CAMTA1: variants seen among roughly 807,000 people sequenced by gnomAD.
CAMTA1 encodes calmodulin binding transcription activator 1, also known as calmodulin-binding transcription activator 1.
A neutral mutation model predicts 170.9 loss-of-function variants in CAMTA1; 27 were observed. That is an observed-to-expected ratio of 0.16 (90% CI 0.12 to 0.22). The LOEUF is 0.22. Ranked by LOEUF, CAMTA1 falls within the 10% of genes least tolerant of loss-of-function variation. The pLI is 1.00. For synonymous variants in CAMTA1, 833 were observed against 891.5 expected (o/e 0.93, Z 1.17); for missense variants, 1,619 against 2,217.2 (o/e 0.73, Z 5.42).
chr1:7,122,024 G>A (rs556540977), intron 4 of CAMTA1, among the ~76,000 whole-genome samples: 23 of 152,128 alleles, frequency 1.5e-4, no homozygotes, highest in Middle Eastern at 3.4e-3. Context: ...AAAGGCCCTT[G>A]GGAATGCCGG....
intron 5 of CAMTA1, among the ~76,000 whole-genome samples, chr1:7,432,302 C>T (rs2092197495): frequency 1.3e-5 from 2 of 152,216 alleles, no homozygotes; most frequent in Admixed American, 1.3e-4. Context: ...GTGACCTCCC[C>T]AAGGTCACAC....
intron 7 of CAMTA1, among the ~76,000 whole-genome samples, chr1:7,648,404 A>AT (rs1476506741): frequency 6.6e-6 from 1 of 151,748 alleles, no homozygotes; most frequent in South Asian, 2.1e-4. Context: ...AAAAAAAAAA[A>AT]AGAGAGAGAG....
intron 3 of CAMTA1, among the ~76,000 whole-genome samples, chr1:6,852,764 C>T (rs1044454987): frequency 3.9e-5 from 6 of 152,204 alleles, no homozygotes; most frequent in Admixed American, 6.5e-5. Context: ...GGCTCTATTA[C>T]GAAGGCATGA....
intron 1 of CAMTA1, among the ~76,000 whole-genome samples, chr1:6,809,307 G>A (rs1383212069): frequency 3.9e-5 from 6 of 152,222 alleles, no homozygotes; most frequent in East Asian, 1.9e-4. Context: ...GATTACAGAC[G>A]TGAGCCACCG....
intron 6 of CAMTA1, among the ~76,000 whole-genome samples, chr1:7,545,347 T>G (rs1250119147): frequency 1.3e-5 from 2 of 152,226 alleles, no homozygotes; most frequent in Admixed American, 6.5e-5. Context: ...ACATCAGAAC[T>G]CTCAAATCAG....
intron 12 of CAMTA1, among the ~76,000 whole-genome samples, chr1:7,733,869 A>G (rs1340092181): frequency 1.3e-5 from 2 of 152,182 alleles, no homozygotes; most frequent in Non-Finnish European, 2.9e-5. Context: ...CCGTGTTTTC[A>G]TATTGCTCCC....
intron 5 of CAMTA1, among the ~76,000 whole-genome samples, chr1:7,466,215 A>G (rs1454887466): frequency 6.6e-6 from 1 of 152,218 alleles, no homozygotes; most frequent in Non-Finnish European, 1.5e-5. Context: ...AAAACAACGA[A>G]AACAAAACAC....
At chr1:7,015,217 G>A (rs1298033073) in intron 3 of CAMTA1, among the ~76,000 whole-genome samples, 1 of 152,120 alleles carries the variant, frequency 6.6e-6, no homozygotes, top group African/African-American at 2.4e-5. Context: ...TGTGTTGTTG[G>A]ACCGAGTGGG....
chr1:7,220,131 T>G (rs1401270352), intron 4 of CAMTA1, among the ~76,000 whole-genome samples: 1 of 152,192 alleles, frequency 6.6e-6, no homozygotes, highest in East Asian at 1.9e-4. Flanking sequence ...TACAGCATTC[T>G]CATACAAAGC....
chr1:6,970,721 G>C lies in CAMTA1; in HGVS notation c.235-120583G>C, dbSNP rs963393498. On this transcript the variant is annotated intron_variant, in intron 3 of 22. Transcript: ENST00000303635. This position sits in a 1 kb window ranked among gnomAD's most constrained non-coding sequence, Gnocchi z 4.4. ...TGTTCAGGACGTATCATCCAGTCCTGGTGGGTCAGGACATTCTACTATAGC... is the reference window on the plus strand; with the variant it reads ...TGTTCAGGACGTATCATCCAGTCCTCGTGGGTCAGGACATTCTACTATAGC... 4.6e-5 allele frequency among the ~76,000 whole-genome samples: 7 copies of C among 152,210 alleles called. No individual in the cohort carries two copies. Among genetic ancestry groups the C allele is most frequent in the African/African-American group, 1.7e-4 (7 of 41,454 alleles).
intron 3 of CAMTA1, among the ~76,000 whole-genome samples, chr1:6,899,549 C>T (rs974171835): frequency 3.4e-4 from 33 of 96,520 alleles, no homozygotes; most frequent in Admixed American, 8.3e-4. Context: ...CGCGCACGCG[C>T]GCGCGCACAC....
chr1:7,721,700 A>G (rs1212439473), intron 11 of CAMTA1, among the ~76,000 whole-genome samples: 3 of 152,162 alleles, frequency 2.0e-5, no homozygotes, highest in Non-Finnish European at 1.5e-5. Context: ...TTGTATGTTC[A>G]GGAGGAGGGA....
chr1:6,901,702 A>C (rs1306871138), intron 3 of CAMTA1, among the ~76,000 whole-genome samples: 1 of 152,118 alleles, frequency 6.6e-6, no homozygotes, highest in East Asian at 1.9e-4. Flanking sequence ...CCCAAAATAA[A>C]ACCAAAAAGA....
At chr1:7,667,507 T>C (rs2096011927) in intron 9 of CAMTA1, among the ~76,000 whole-genome samples, 1 of 152,068 alleles carries the variant, frequency 6.6e-6, no homozygotes, top group South Asian at 2.1e-4. Flanking sequence ...TCGGGACACT[T>C]AGAGGCGCCC....
chr1:7,371,527 C>T (rs1245712698), intron 5 of CAMTA1, among the ~76,000 whole-genome samples: 1 of 151,692 alleles, frequency 6.6e-6, no homozygotes, highest in African/African-American at 2.4e-5. Flanking sequence ...CCCAAAGTGC[C>T]GGGATTACAG....
intron 3 of CAMTA1, among the ~76,000 whole-genome samples, chr1:7,046,790 T>TA (rs1251736256): frequency 6.6e-6 from 1 of 152,338 alleles, no homozygotes; most frequent in South Asian, 2.1e-4. Flanking sequence ...TTCTTATCTG[T>TA]AAAAATGCAA....
intron 6 of CAMTA1, among the ~76,000 whole-genome samples, chr1:7,525,071 C>A (rs967004625): frequency 1.3e-5 from 2 of 152,178 alleles, no homozygotes; most frequent in Non-Finnish European, 2.9e-5. Context: ...ACTCCACCCG[C>A]CCCCGCGTCG....
chr1:7,126,866 G>A (rs1356465628), intron 4 of CAMTA1, among the ~76,000 whole-genome samples: 2 of 152,144 alleles, frequency 1.3e-5, no homozygotes, highest in East Asian at 3.9e-4. Context: ...TGCCTCCCGG[G>A]TTCATGCCAT....
At chr1:7,737,084 T>G in intron 14 of CAMTA1, 75 bp downstream of exon 14, 1 of 1,366,018 alleles carries the variant, frequency 7.3e-7, no homozygotes, top group South Asian at 1.2e-5. Flanking sequence ...TTCCCACCGT[T>G]GTCTCTTGCT....
Sources: allele counts gnomAD v4.1 joint callset (sites outside exome capture counted in the v4.1 genomes callset), GRCh38; gene constraint gnomAD v4.1.1; non-coding constraint Gnocchi (gnomAD v3.1); transcripts MANE v1.5; gene names NCBI Gene and HGNC (gene_info 2026-07-23, HGNC 2026-07-21).